Variants in CTNNA3 observed in about 807,000 individuals in gnomAD.
CTNNA3 encodes catenin alpha-3.
A neutral mutation model predicts 95.7 loss-of-function variants in CTNNA3; 76 were observed. The ratio of observed to expected loss-of-function variants is 0.79; its 90% CI spans 0.66 to 0.96. The LOEUF is 0.96. Among genes scored for constraint, CTNNA3 ranks in the 40% least tolerant of loss-of-function variants. The pLI, the probability that CTNNA3 is intolerant of heterozygous loss-of-function variation, is 0.00. For synonymous variants in CTNNA3, 431 were observed against 374.4 expected, an observed-to-expected ratio of 1.15 and a Z score of -1.74; for missense variants, 1,191 against 1,089.8, an observed-to-expected ratio of 1.09 and a Z score of -1.31.
intron 13 of CTNNA3, among the ~76,000 whole-genome samples, chr10:66,110,083 G>T (rs889790774): frequency 5.9e-5 from 9 of 152,034 alleles, no homozygotes; most frequent in African/African-American, 2.2e-4. Flanking sequence ...AAAAGGGTCT[G>T]GGCACAGTGG....
chr10:67,419,612 G>T (rs745527020), intron 5 of CTNNA3, among the ~76,000 whole-genome samples: 1 of 151,986 alleles, frequency 6.6e-6, no homozygotes, highest in Non-Finnish European at 1.5e-5. Flanking sequence ...AAATTAAAGC[G>T]CTTTCTCATA....
chr10:66,110,570 C>T (rs1001385987), intron 13 of CTNNA3, among the ~76,000 whole-genome samples: 2 of 151,972 alleles, frequency 1.3e-5, no homozygotes, highest in Admixed American at 6.6e-5. Context: ...AAAGGAAATT[C>T]TATCATTTGT....
chr10:67,109,910 C>T (rs1475435066), intron 7 of CTNNA3, among the ~76,000 whole-genome samples: 3 of 152,160 alleles, frequency 2.0e-5, no homozygotes, highest in Non-Finnish European at 4.4e-5. Flanking sequence ...CGTATTAACT[C>T]GAAGAAAGTT....
chr10:67,369,384 T>C (rs1164320421), intron 5 of CTNNA3, among the ~76,000 whole-genome samples: 4 of 152,172 alleles, frequency 2.6e-5, no homozygotes, highest in East Asian at 3.8e-4. Context: ...CAGATGCATA[T>C]ATTCTAAATA....
chr10:67,056,919 C>T (rs2764812), intron 7 of CTNNA3, among the ~76,000 whole-genome samples: 96,706 of 151,922 alleles, frequency 0.64, 31,138 homozygotes, highest in East Asian at 0.78. Flanking sequence ...CTGAGTGAAT[C>T]TGCTCATGCT....
At chr10:67,547,386 A>G (rs932506887) in intron 3 of CTNNA3, among the ~76,000 whole-genome samples, 2 of 152,244 alleles carry the variant, frequency 1.3e-5, no homozygotes, top group African/African-American at 4.8e-5. Context: ...ACTTATAATC[A>G]GCCTCAACAA....
chr10:67,199,344 G>GT (rs57972349), intron 6 of CTNNA3, among the ~76,000 whole-genome samples: 57,689 of 151,560 alleles, frequency 0.38, 15,119 homozygotes, highest in African/African-American at 0.75. Flanking sequence ...ATGGCTACAA[G>GT]TTTTTTTTGT....
chr10:67,472,448 T>G (rs1319323231), intron 5 of CTNNA3, among the ~76,000 whole-genome samples: 1 of 152,138 alleles, frequency 6.6e-6, no homozygotes, highest in Non-Finnish European at 1.5e-5. Flanking sequence ...GAAAGCCATC[T>G]CCAGTTACCT....
intron 9 of CTNNA3, among the ~76,000 whole-genome samples, chr10:66,629,330 A>T (rs1845052274): frequency 6.6e-6 from 1 of 151,954 alleles, no homozygotes; most frequent in African/African-American, 2.4e-5. Flanking sequence ...CGCCTGGATA[A>T]TACTCACTCT....
At chr10:66,718,806 A>G (rs1457004720) in intron 9 of CTNNA3, among the ~76,000 whole-genome samples, 3 of 152,160 alleles carry the variant, frequency 2.0e-5, no homozygotes, top group Non-Finnish European at 2.9e-5. Context: ...TGAAAATCAC[A>G]TAACAATTGA....
At chr10:67,150,701 TGA>T (rs1861047303) in intron 7 of CTNNA3, among the ~76,000 whole-genome samples, 2 of 152,118 alleles carry the variant, frequency 1.3e-5, no homozygotes, top group Non-Finnish European at 2.9e-5. Context: ...ACAAAACTTG[TGA>T]GAGTTTACTA....
intron 5 of CTNNA3, among the ~76,000 whole-genome samples, chr10:67,318,721 C>A (rs1841175678): frequency 6.6e-6 from 1 of 152,210 alleles, no homozygotes; most frequent in Non-Finnish European, 1.5e-5. Context: ...CAAGCCTTTG[C>A]TCAAATGTTG....
chr10:67,487,601 T>C (rs1321514928), intron 5 of CTNNA3, among the ~76,000 whole-genome samples: 1 of 152,214 alleles, frequency 6.6e-6, no homozygotes, highest in African/African-American at 2.4e-5. Flanking sequence ...CCTCACAACC[T>C]GGGTGGTTCC....
chr10:66,020,791 C>T (rs1177590878), intron 15 of CTNNA3, among the ~76,000 whole-genome samples: 1 of 151,896 alleles, frequency 6.6e-6, no homozygotes, highest in Non-Finnish European at 1.5e-5. Flanking sequence ...CCCACCTCAG[C>T]CTCCCGAGTA....
intron 1 of CTNNA3, among the ~76,000 whole-genome samples, chr10:67,714,394 A>T (rs1361748255): frequency 6.6e-6 from 1 of 152,260 alleles, no homozygotes; most frequent in Non-Finnish European, 1.5e-5. Context: ...TGGAGCTTTA[A>T]GATTTGACTG....
intron 7 of CTNNA3, among the ~76,000 whole-genome samples, chr10:66,920,185 A>ACT (rs1239740023): frequency 2.0e-5 from 3 of 152,236 alleles, no homozygotes; most frequent in Admixed American, 2.0e-4. Flanking sequence ...TGATTGCAGA[A>ACT]ATATCTGTAA....
chr10:66,771,195 C>T (rs1448318963), intron 8 of CTNNA3, among the ~76,000 whole-genome samples: 1 of 152,080 alleles, frequency 6.6e-6, no homozygotes, highest in African/African-American at 2.4e-5. Context: ...TCCCATTTGA[C>T]ATACTTCATC....
chr10:66,693,380 G>T (rs1318520219), intron 9 of CTNNA3, among the ~76,000 whole-genome samples: 3 of 146,408 alleles, frequency 2.0e-5, no homozygotes, highest in Admixed American at 1.3e-4. Flanking sequence ...TTACATAATG[G>T]TAAAGGGATC....
At chr10:67,452,122 G>C (rs754028102) in intron 5 of CTNNA3, among the ~76,000 whole-genome samples, 1 of 151,352 alleles carries the variant, frequency 6.6e-6, no homozygotes, top group Non-Finnish European at 1.5e-5. Flanking sequence ...GAAAAAAAGG[G>C]AAGATCATAT....
Sources: allele counts gnomAD v4.1 joint callset (sites outside exome capture counted in the v4.1 genomes callset), GRCh38; gene constraint gnomAD v4.1.1; transcripts MANE v1.5; gene names NCBI Gene and HGNC (gene_info 2026-07-23, HGNC 2026-07-21).